CACNB2: variants seen among roughly 807,000 people sequenced by gnomAD.
CACNB2 encodes calcium voltage-gated channel auxiliary subunit beta 2.
In CACNB2, 42 loss-of-function variants were observed where a neutral mutation model predicts 73.3. The ratio of observed to expected loss-of-function variants is 0.57; its 90% CI spans 0.45 to 0.74. The LOEUF (loss-of-function observed/expected upper bound fraction) is 0.74. Among genes scored for constraint, CACNB2 ranks in the 30% least tolerant of loss-of-function variants. The probability of loss-of-function intolerance (pLI) is 0.00; values close to 1 mark genes in which losing one functional copy is unlikely to be tolerated. For missense variants in CACNB2, 940 were observed against 853.0 expected, an observed-to-expected ratio of 1.10 and a Z score of -1.27; for synonymous variants, 348 against 310.3, an observed-to-expected ratio of 1.12 and a Z score of -1.28.
intron 2 of CACNB2, among the ~76,000 whole-genome samples, chr10:18,310,328 G>A (rs1389405610): frequency 6.6e-6 from 1 of 152,010 alleles, no homozygotes; most frequent in Non-Finnish European, 1.5e-5. Context: ...TTTTTAGGCT[G>A]GGCGTGGTGG....
At chr10:18,386,080 C>T (rs1473287757) in intron 2 of CACNB2, among the ~76,000 whole-genome samples, 2 of 152,102 alleles carry the variant, frequency 1.3e-5, no homozygotes, top group East Asian at 3.8e-4. Flanking sequence ...GTGAGAGGAC[C>T]ACACTAACAG....
chr10:18,171,012 A>G (rs1302770018), intron 2 of CACNB2, among the ~76,000 whole-genome samples: 8 of 152,198 alleles, frequency 5.3e-5, no homozygotes, highest in South Asian at 2.1e-4. Context: ...TGTGTGCTCT[A>G]TTTGGTACCG....
At chr10:18,496,634 G>GA (rs763461090) in intron 3 of CACNB2, among the ~76,000 whole-genome samples, 6 of 151,706 alleles carry the variant, frequency 4.0e-5, no homozygotes, top group Non-Finnish European at 5.9e-5. Context: ...CCAATATGGT[G>GA]AAACGCCATC....
At chr10:18,418,403 T>A (rs991231061) in intron 3 of CACNB2, among the ~76,000 whole-genome samples, 2 of 152,224 alleles carry the variant, frequency 1.3e-5, no homozygotes, top group Admixed American at 1.3e-4. Flanking sequence ...CTACTAAAAA[T>A]TATTTCAATT....
rs373079771 is a variant in CACNB2, at chr10:18,186,971, T to G, written c.213+35996T>G. ...ATCTGCTTCCATGGAGCTTATGGCC[T>G]TGAGCAGGAACAGGATGTTAATGAA... On this transcript the variant is annotated intron_variant, in intron 2 of 13. Coordinates refer to ENST00000324631, the MANE Select transcript of CACNB2 (RefSeq NM_201596.3). 1.3e-4 allele frequency among the ~76,000 whole-genome samples: 20 copies of G among 152,284 alleles called. No individual in the cohort carries two copies. In the East Asian group the frequency reaches 1.9e-3, roughly 15 times the overall value.
intron 2 of CACNB2, among the ~76,000 whole-genome samples, chr10:18,317,150 C>T (rs1273827176): frequency 1.3e-5 from 2 of 152,040 alleles, no homozygotes; most frequent in African/African-American, 4.8e-5. Context: ...AAAAACTGTC[C>T]TCTCAAAGGT....
At chr10:18,378,643 C>T (rs948806059) in intron 2 of CACNB2, among the ~76,000 whole-genome samples, 6 of 152,178 alleles carry the variant, frequency 3.9e-5, no homozygotes, top group South Asian at 2.1e-4. Context: ...CCCAGCTACT[C>T]GGGAGGCCGA....
At chr10:18,147,519 A>G (rs574405931) in intron 1 of CACNB2, among the ~76,000 whole-genome samples, 1 of 152,266 alleles carries the variant, frequency 6.6e-6, no homozygotes, top group South Asian at 2.1e-4. Context: ...GGGAGAATCT[A>G]TAGGTAACAC....
At chr10:18,192,512 C>G (rs1362090864) in intron 2 of CACNB2, among the ~76,000 whole-genome samples, 1 of 152,028 alleles carries the variant, frequency 6.6e-6, no homozygotes, top group Non-Finnish European at 1.5e-5. Flanking sequence ...CACCTGTAAC[C>G]ATTTTAAAGT....
At chr10:18,270,048 C>T (rs1472131804) in intron 2 of CACNB2, among the ~76,000 whole-genome samples, 4 of 152,134 alleles carry the variant, frequency 2.6e-5, no homozygotes, top group African/African-American at 9.7e-5. Context: ...AAGTAGTACT[C>T]AAGACTGGAT....
chr10:18,440,386 T>C (rs2046355502), intron 3 of CACNB2, among the ~76,000 whole-genome samples: 1 of 152,112 alleles, frequency 6.6e-6, no homozygotes, highest in Admixed American at 6.6e-5. Flanking sequence ...ATGGCTTCTG[T>C]GGGCCAAGCG....
At chr10:18,255,732 C>T (rs1045128860) in intron 2 of CACNB2, among the ~76,000 whole-genome samples, 2 of 152,162 alleles carry the variant, frequency 1.3e-5, no homozygotes, top group African/African-American at 4.8e-5. Context: ...TGCAGACGTA[C>T]TGTGAAGGGA....
At chr10:18,284,994 T>C (rs1320652859) in intron 2 of CACNB2, among the ~76,000 whole-genome samples, 1 of 152,106 alleles carries the variant, frequency 6.6e-6, no homozygotes, top group Non-Finnish European at 1.5e-5. Flanking sequence ...TGGGGCTCTT[T>C]GAGAAATAAT....
intron 2 of CACNB2, among the ~76,000 whole-genome samples, chr10:18,353,108 G>A (rs2041776311): frequency 6.6e-6 from 1 of 152,086 alleles, no homozygotes; most frequent in Non-Finnish European, 1.5e-5. Flanking sequence ...TTAGAATTGG[G>A]CTTTAAAAAT....
At chr10:18,349,711 C>A (rs529691544) in intron 2 of CACNB2, among the ~76,000 whole-genome samples, 53 of 139,524 alleles carry the variant, frequency 3.8e-4, no homozygotes, top group African/African-American at 1.4e-3. Context: ...GACAAACTTT[C>A]AGTTGGAGAT....
chr10:18,236,006 C>G (rs1186494267), intron 2 of CACNB2, among the ~76,000 whole-genome samples: 2 of 152,186 alleles, frequency 1.3e-5, no homozygotes, highest in Admixed American at 1.3e-4. Flanking sequence ...AGCCATGTAA[C>G]ATGGCTGTTT....
chr10:18,297,829 A>C (rs1305244036), intron 2 of CACNB2, among the ~76,000 whole-genome samples: 1 of 152,178 alleles, frequency 6.6e-6, no homozygotes, highest in Admixed American at 6.5e-5. Context: ...GGAGTGCACT[A>C]TCCCTCCACA....
intron 2 of CACNB2, among the ~76,000 whole-genome samples, chr10:18,233,047 T>A (rs2036283912): frequency 2.0e-5 from 3 of 152,198 alleles, no homozygotes; most frequent in Admixed American, 6.5e-5. Context: ...ATCGCACCAC[T>A]GCACTCCAGC....
At chr10:18,357,268 C>T (rs1283990796) in intron 2 of CACNB2, among the ~76,000 whole-genome samples, 4 of 152,160 alleles carry the variant, frequency 2.6e-5, no homozygotes, top group South Asian at 2.1e-4. Context: ...ACCTGTATTT[C>T]AGCACTCGTC....
Sources: allele counts gnomAD v4.1 joint callset (sites outside exome capture counted in the v4.1 genomes callset), GRCh38; gene constraint gnomAD v4.1.1; transcripts MANE v1.5; gene names NCBI Gene and HGNC (gene_info 2026-07-23, HGNC 2026-07-21).